ME1: variants seen among roughly 807,000 people sequenced by gnomAD.
ME1 encodes malic enzyme 1, also known as NADP-dependent malic enzyme.
ME1 carries 74 observed loss-of-function variants against 66.4 expected under a neutral mutation model. That is an observed-to-expected ratio of 1.11 (90% confidence interval 0.92 to 1.35). The LOEUF (loss-of-function observed/expected upper bound fraction) is 1.35. ME1 is among the 40% of genes most tolerant of loss of function. ME1 has a pLI of 0.00. For missense variants in ME1, 750 were observed against 694.1 expected (o/e 1.08, Z -0.90); for synonymous variants, 251 against 235.6 (o/e 1.07, Z -0.60).
chr6:83,224,343 T>C (rs1184366688), intron 11 of ME1, among the ~76,000 whole-genome samples: 1 of 152,136 alleles, frequency 6.6e-6, no homozygotes, highest in East Asian at 1.9e-4. Context: ...AATCGACACA[T>C]TTCCAAAATA....
At position 83,253,652 on chromosome 6, in the gene ME1, C is replaced by T. The variant is rs748642896; in HGVS notation, c.791G>A (p.Cys264Tyr). ...RLLNKYRNQY[C>Y]TFNDDIQGTA... ...ACCTTGAATATCATCATTGAATGTG[C>T]AATACTGGTTTCGATACTTGTTCAG... The change falls in exon 7 of 14, where the codon TGC becomes TAC. Residue 264 changes from cysteine to tyrosine, a missense_variant. Cys to Tyr is a radical substitution (Grantham distance 194). Transcript: ENST00000369705. 2.5e-6 allele frequency: 4 copies of T among 1,605,638 alleles called. No individual in the cohort carries two copies. The highest frequency in any genetic ancestry group is 3.4e-6 in the Non-Finnish European group (4 of 1,173,050).
At chr6:83,399,203 C>A (rs1299001098) in intron 2 of ME1, among the ~76,000 whole-genome samples, 1 of 151,700 alleles carries the variant, frequency 6.6e-6, no homozygotes, top group Non-Finnish European at 1.5e-5. Flanking sequence ...ACCATGTTGG[C>A]CAGGCTGGTC....
At chr6:83,322,326 G>A (rs1472870100) in intron 5 of ME1, among the ~76,000 whole-genome samples, 2 of 152,180 alleles carry the variant, frequency 1.3e-5, no homozygotes, top group Non-Finnish European at 2.9e-5. Flanking sequence ...ACAAAAGTAG[G>A]CTTCAGAAGG....
chr6:83,378,203 T>G, intron 3 of ME1, among the ~76,000 whole-genome samples: 2 of 144,720 alleles, frequency 1.4e-5, no homozygotes, highest in Admixed American at 7.0e-5. Context: ...AATGGGGGGG[T>G]GGGGAAAAGA....
intron 7 of ME1, among the ~76,000 whole-genome samples, chr6:83,249,584 T>C (rs1046083757): frequency 2.6e-5 from 4 of 152,222 alleles, no homozygotes; most frequent in African/African-American, 9.6e-5. Context: ...AAATAATTAT[T>C]TTGTCCTCAA....
intron 6 of ME1, among the ~76,000 whole-genome samples, chr6:83,291,878 A>G (rs1039008476): frequency 3.3e-5 from 5 of 151,724 alleles, no homozygotes; most frequent in African/African-American, 4.8e-5. Flanking sequence ...TTGATCTTCA[A>G]TCATTGATAT....
rs1769975514 is a variant in ME1, at chr6:83,407,833, G to A, written c.147C>T (p.Asn49=). Reference sequence around the variant, plus strand: ...CTCTAAGAACCTGGATCTCCTGACTGTTGAAGGAAGGTGGCAACAATCCAT... The same window carrying A: ...CTCTAAGAACCTGGATCTCCTGACTATTGAAGGAAGGTGGCAACAATCCAT... ...NIHGLLPPSF[N]SQEIQVLRVV... The change falls in exon 2 of 14, where the codon AAC becomes AAT. Residue 49 remains asparagine, a synonymous_variant. Transcript: ENST00000369705. The A allele has an allele frequency of 6.2e-7, 1 of 1,613,442 alleles. No homozygotes were observed. The highest frequency in any genetic ancestry group is 1.3e-5 in the African/African-American group (1 of 75,010).
chr6:83,298,258 A>G (rs1175710002), intron 6 of ME1, among the ~76,000 whole-genome samples: 3 of 152,162 alleles, frequency 2.0e-5, no homozygotes, highest in Non-Finnish European at 4.4e-5. Flanking sequence ...CACCATTCTG[A>G]CAGGCATGAG....
chr6:83,271,240 A>G (rs1767076812), intron 6 of ME1, among the ~76,000 whole-genome samples: 1 of 152,166 alleles, frequency 6.6e-6, no homozygotes, highest in Non-Finnish European at 1.5e-5. Flanking sequence ...AAAATTCGAA[A>G]GGGATAAAAA....
At chr6:83,260,354 C>T (rs1348120537) in intron 6 of ME1, among the ~76,000 whole-genome samples, 1 of 152,002 alleles carries the variant, frequency 6.6e-6, no homozygotes, top group African/African-American at 2.4e-5. Context: ...TTAAAAAATC[C>T]TCCTTGTCTC....
chr6:83,237,611 T>C (rs1790440445), intron 9 of ME1, 106 bp downstream of exon 9: 1 of 586,460 alleles, frequency 1.7e-6, no homozygotes, highest in Admixed American at 3.2e-5. Flanking sequence ...ATGGCTACTC[T>C]TTTAATATAG....
chr6:83,346,540 G>A (rs1046562587), intron 4 of ME1, among the ~76,000 whole-genome samples: 2 of 152,134 alleles, frequency 1.3e-5, no homozygotes, highest in African/African-American at 4.8e-5. Flanking sequence ...GCTTAATTAG[G>A]TTATTTTAAA....
chr6:83,290,340 T>G (rs545436337), intron 6 of ME1, among the ~76,000 whole-genome samples: 1 of 152,174 alleles, frequency 6.6e-6, no homozygotes, highest in Non-Finnish European at 1.5e-5. Flanking sequence ...TTTGTTCTAG[T>G]TGGTTTCAAA....
intron 1 of ME1, among the ~76,000 whole-genome samples, chr6:83,420,875 G>C (rs977071371): frequency 2.4e-4 from 36 of 152,004 alleles, no homozygotes; most frequent in African/African-American, 8.7e-4. Context: ...TGTTGTTGTT[G>C]TTGGGTTTTT....
At chr6:83,312,593 G>C (rs1416245920) in intron 6 of ME1, among the ~76,000 whole-genome samples, 1 of 152,122 alleles carries the variant, frequency 6.6e-6, no homozygotes, top group Admixed American at 6.6e-5. Flanking sequence ...GAGAAAGAGA[G>C]GGAGGTTGAT....
Position 83,216,875 on chromosome 6 carries a change from A to G in ME1, c.1450-279T>C, listed in dbSNP as rs564070506. 1.1e-4 allele frequency among the ~76,000 whole-genome samples: 16 copies of G among 152,308 alleles called. No homozygotes were observed. The South Asian group carries it at 3.3e-3, about 32-fold the overall frequency. The stretch of plus-strand genomic sequence containing the variant: ...TCTATTGTACCATGAAATGCTAGAT[A>G]CTTTCCAATTGATACATTAGGGGAA... On this transcript the variant is annotated intron_variant, in intron 12 of 13. Transcript: ENST00000369705.
chr6:83,214,116 G>C (rs1312579367), intron 13 of ME1, among the ~76,000 whole-genome samples: 1 of 152,126 alleles, frequency 6.6e-6, no homozygotes, highest in East Asian at 1.9e-4. Context: ...ACCACATTCA[G>C]TTTTAGAATA....
intron 6 of ME1, among the ~76,000 whole-genome samples, chr6:83,300,610 C>CTTTTTTTTTTTTTTTTTTTTTTTTT (rs35205380): frequency 3.5e-5 from 3 of 84,990 alleles, no homozygotes; most frequent in African/African-American, 9.3e-5. Flanking sequence ...TTCTTTCTTT[C>CTTTTTTTTTTTTTTTTTTTTTTTTT]TTTTTTTTTT....
At chr6:83,302,070 G>A (rs1374203067) in intron 6 of ME1, among the ~76,000 whole-genome samples, 1 of 152,102 alleles carries the variant, frequency 6.6e-6, no homozygotes, top group East Asian at 1.9e-4. Context: ...ATCAATAGAA[G>A]ACTGGATAAA....
Sources: gnomAD v4.1 joint callset for allele counts (sites outside exome capture counted in the v4.1 genomes callset) on GRCh38, gnomAD v4.1.1 for gene constraint, MANE v1.5 for transcripts, NCBI Gene and HGNC (gene_info 2026-07-23, HGNC 2026-07-21) for gene names.